The following UTS2B variants were observed in gnomAD, a reference collection of about 807,000 sequenced individuals.
UTS2B encodes urotensin-2B.
In UTS2B, 21 loss-of-function variants were observed where a neutral mutation model predicts 19.2. That is an observed-to-expected ratio of 1.09 (90% CI 0.78 to 1.58). UTS2B has a LOEUF of 1.58. Among genes scored for constraint, UTS2B ranks in the 40% most tolerant of loss-of-function variants. The pLI, the probability that UTS2B is intolerant of heterozygous loss-of-function variation, is 0.00. For missense variants in UTS2B, 138 were observed against 130.3 expected, an observed-to-expected ratio of 1.06 and a Z score of -0.29; for synonymous variants, 57 against 50.2, an observed-to-expected ratio of 1.14 and a Z score of -0.58.
rs906919888 is a variant in UTS2B, at chr3:191,267,838, A to C, written c.*578T>G. 1 of 152,258 alleles carries C rather than the reference A, an allele frequency of 6.6e-6. No individual in the cohort carries two copies. Among genetic ancestry groups the C allele is most frequent in the African/African-American group, 2.4e-5 (1 of 41,468 alleles). 9.4% of individuals were successfully genotyped at this position (152,258 alleles called of 1,614,324 possible). ...TGTGTGTAATTTCTAACAGAGCCTT[A>C]AAACAGAAACACAATCTTTCCATAA... On this transcript the variant is annotated 3_prime_UTR_variant, in exon 9 of 9. Coordinates refer to ENST00000340524, the MANE Select transcript of UTS2B (RefSeq NM_198152.5).
upstream of UTS2B, among the ~76,000 whole-genome samples, chr3:191,331,671 A>G (rs1717989697): frequency 6.6e-6 from 1 of 152,190 alleles, no homozygotes; most frequent in South Asian, 2.1e-4. Flanking sequence ...GAAGTGATGT[A>G]TTATACTAGG....
the UTS2B span, among the ~76,000 whole-genome samples, chr3:191,337,585 C>T: frequency 3.3e-5 from 5 of 151,898 alleles, no homozygotes; most frequent in Non-Finnish European, 4.4e-5. Flanking sequence ...CCTCGTGATC[C>T]GCCCATCTCG....
At chr3:191,342,378 A>T in the UTS2B span, among the ~76,000 whole-genome samples, 1 of 151,792 alleles carries the variant, frequency 6.6e-6, no homozygotes, top group Non-Finnish European at 1.5e-5. Context: ...TGAATTTACT[A>T]CTCCTAATAG....
At chr3:191,275,423 G>A (rs1716205709) in intron 7 of UTS2B, 78 bp from the exon 8 acceptor site, 11 of 1,157,470 alleles carry the variant, frequency 9.5e-6, no homozygotes, top group Non-Finnish European at 1.4e-5. Context: ...GCTTATGCCT[G>A]TAATCCCAGC....
intron 4 of UTS2B, among the ~76,000 whole-genome samples, chr3:191,293,342 C>T (rs567819001): frequency 2.0e-5 from 3 of 152,264 alleles, no homozygotes; most frequent in African/African-American, 7.2e-5. Flanking sequence ...CTTCCTTAAA[C>T]ATCTGGTAGA....
chr3:191,301,575 C>T (rs1328286731), intron 4 of UTS2B, among the ~76,000 whole-genome samples: 3 of 149,252 alleles, frequency 2.0e-5, no homozygotes, highest in Non-Finnish European at 4.5e-5. Flanking sequence ...CAAGCTCCGC[C>T]GCCTGGGTTC....
upstream of UTS2B, among the ~76,000 whole-genome samples, chr3:191,335,226 A>G (rs1459594990): frequency 6.6e-6 from 1 of 152,194 alleles, no homozygotes; most frequent in African/African-American, 2.4e-5. Flanking sequence ...GCTGCTTGAA[A>G]TCCCAGTTCT....
chr3:191,329,399 C>T (rs1207868212), intron 1 of UTS2B: 2 of 410,938 alleles, frequency 4.9e-6, no homozygotes, highest in African/African-American at 2.1e-5. Context: ...GGTCCATTTC[C>T]GGGCTCCGGA....
chr3:191,303,791 A>C (rs1031071866), intron 4 of UTS2B, among the ~76,000 whole-genome samples: 2 of 152,200 alleles, frequency 1.3e-5, no homozygotes, highest in African/African-American at 4.8e-5. Flanking sequence ...TACAATGAAC[A>C]GTTGTCTGCG....
intron 4 of UTS2B, among the ~76,000 whole-genome samples, chr3:191,300,207 G>A (rs1214665255): frequency 1.3e-5 from 2 of 151,926 alleles, no homozygotes; most frequent in African/African-American, 4.8e-5. Context: ...CCACCACCAT[G>A]CCTGGCTAAT....
chr3:191,311,612 C>T (rs1466276429), intron 3 of UTS2B, among the ~76,000 whole-genome samples: 1 of 152,210 alleles, frequency 6.6e-6, no homozygotes, highest in Non-Finnish European at 1.5e-5. Context: ...GCCCACTTTC[C>T]TCATACTTTT....
intron 4 of UTS2B, among the ~76,000 whole-genome samples, chr3:191,289,023 C>T (rs1297995423): frequency 1.3e-5 from 2 of 152,078 alleles, no homozygotes; most frequent in Non-Finnish European, 2.9e-5. Flanking sequence ...AACAGCTCAG[C>T]TTTAAAATAA....
At chr3:191,328,750 G>A (rs1197432505) in intron 1 of UTS2B, 41 bp from the exon 2 acceptor site, 1 of 152,206 alleles carries the variant, frequency 6.6e-6, no homozygotes, top group Non-Finnish European at 1.5e-5. Context: ...ACAATCCAAT[G>A]TGTGCAGCGC....
chr3:191,317,303 C>T (rs1183386543), intron 2 of UTS2B, among the ~76,000 whole-genome samples: 1 of 152,178 alleles, frequency 6.6e-6, no homozygotes, highest in Non-Finnish European at 1.5e-5. Context: ...TGCGGGGGGG[C>T]CTCCCAAGCC....
intron 4 of UTS2B, among the ~76,000 whole-genome samples, chr3:191,299,235 A>G (rs571832736): frequency 1.3e-5 from 2 of 152,364 alleles, no homozygotes; most frequent in Non-Finnish European, 2.9e-5. Context: ...AATAAAAGGT[A>G]GGCAAATGCT....
chr3:191,278,494 T>G (rs1409667470), intron 5 of UTS2B, among the ~76,000 whole-genome samples: 1 of 152,102 alleles, frequency 6.6e-6, no homozygotes, highest in Non-Finnish European at 1.5e-5. Flanking sequence ...AATTTTCTAC[T>G]ATTTTATTTA....
At position 191,292,922 on chromosome 3, in the gene UTS2B, T is replaced by C. The variant is rs555896238; in HGVS notation, c.-124-10609A>G. On this transcript the variant is annotated intron_variant, in intron 4 of 8. Coordinates refer to ENST00000340524, the MANE Select transcript of UTS2B (RefSeq NM_198152.5). ...CTATTGAGACGACTATAGAATAAAA[T>C]TCCCCCAGGAGGCAGAAGGTGCAGT... 9.2e-5 allele frequency among the ~76,000 whole-genome samples: 14 copies of C among 152,190 alleles called. No homozygotes were observed. The East Asian group carries it at 1.7e-3, about 19-fold the overall frequency.
In UTS2B at chr3:191,289,451, AAAC is replaced by A. The variant is rs1439430021; in HGVS notation, c.-124-7141_-124-7139del. Among the ~76,000 whole-genome samples the A allele has an allele frequency of 6.7e-5, 7 of 104,460 alleles. No homozygotes were observed. The East Asian group carries it at 1.7e-3, about 25-fold the overall frequency. The allele number at this position is 104,460 out of a possible 152,430, so 68.5% of individuals were successfully genotyped here. A position where few individuals can be genotyped will look rare whatever the true frequency, so the allele number is the denominator to read the frequency against. ...ATAAATAAATAAATAAATAAATAAA[AAAC>A]AAACGAAATTAATATGTTCAGTGCT... On this transcript the variant is annotated intron_variant, in intron 4 of 8. Coordinates refer to ENST00000340524, the MANE Select transcript of UTS2B (RefSeq NM_198152.5).
At chr3:191,313,017 GTT>G (rs34512583) in intron 3 of UTS2B, among the ~76,000 whole-genome samples, 228 of 143,876 alleles carry the variant, frequency 1.6e-3, no homozygotes, top group African/African-American at 5.0e-3. Context: ...TGTCAAACAG[GTT>G]TTTTTTTTTT....
Sources: allele counts gnomAD v4.1 joint callset (sites outside exome capture counted in the v4.1 genomes callset), GRCh38; gene constraint gnomAD v4.1.1; transcripts MANE v1.5; gene names NCBI Gene and HGNC (gene_info 2026-07-23, HGNC 2026-07-21).